Variants in NPAS3 observed in about 807,000 individuals in gnomAD.
The protein encoded by NPAS3 is neuronal PAS domain protein 3.
NPAS3 carries 14 observed loss-of-function variants against 73.1 expected under a neutral mutation model. The observed-to-expected ratio is 0.19, with a 90% CI of 0.13 to 0.30. NPAS3 has a LOEUF of 0.30. NPAS3 is among the 10% of genes least tolerant of loss of function. The probability of loss-of-function intolerance (pLI) is 1.00; values close to 1 mark genes in which losing one functional copy is unlikely to be tolerated. For missense variants in NPAS3, 1,096 were observed against 1,250.0 expected, an observed-to-expected ratio of 0.88 and a Z score of 1.86; for synonymous variants, 620 against 541.5, an observed-to-expected ratio of 1.14 and a Z score of -2.01.
intron 5 of NPAS3, among the ~76,000 whole-genome samples, chr14:33,672,837 G>A (rs1039160626): frequency 2.0e-5 from 3 of 152,222 alleles, no homozygotes; most frequent in East Asian, 1.9e-4. Context: ...TCTCGGGACT[G>A]TAGGGCTTTT....
chr14:33,230,493 C>G (rs909181981), intron 3 of NPAS3, among the ~76,000 whole-genome samples: 2 of 152,120 alleles, frequency 1.3e-5, no homozygotes, highest in Non-Finnish European at 2.9e-5. Flanking sequence ...CTGATAGAAT[C>G]CTCATCTTTT....
At chr14:33,678,285 C>G (rs1237053695) in intron 6 of NPAS3, among the ~76,000 whole-genome samples, 1 of 152,156 alleles carries the variant, frequency 6.6e-6, no homozygotes, top group Admixed American at 6.5e-5. Context: ...TGATATGGAG[C>G]CCAAATCTGC....
chr14:33,748,413 G>A (rs1230063125), intron 7 of NPAS3, among the ~76,000 whole-genome samples: 1 of 152,070 alleles, frequency 6.6e-6, no homozygotes, highest in Non-Finnish European at 1.5e-5. Flanking sequence ...TATTTAACTT[G>A]TACCCCACTT....
At chr14:33,370,780 A>C (rs959141613) in intron 4 of NPAS3, among the ~76,000 whole-genome samples, 2 of 152,160 alleles carry the variant, frequency 1.3e-5, no homozygotes, top group African/African-American at 4.8e-5. Flanking sequence ...GTGGCCCATA[A>C]TTAGAGGTGA....
chr14:33,300,283 G>A (rs1206641987), intron 3 of NPAS3, among the ~76,000 whole-genome samples: 1 of 152,172 alleles, frequency 6.6e-6, no homozygotes, highest in Non-Finnish European at 1.5e-5. Flanking sequence ...ACAGTCTGAG[G>A]TTTGCAAGCT....
chr14:33,022,718 T>C (rs1420305884), intron 1 of NPAS3, among the ~76,000 whole-genome samples: 2 of 151,466 alleles, frequency 1.3e-5, no homozygotes, highest in African/African-American at 4.8e-5. Flanking sequence ...ACCCAACTCA[T>C]TGTTTATTTA....
chr14:33,129,147 G>C (rs549449568), intron 2 of NPAS3, among the ~76,000 whole-genome samples: 11 of 152,184 alleles, frequency 7.2e-5, no homozygotes, highest in African/African-American at 2.4e-4. Flanking sequence ...GCAGCTCTGG[G>C]CTCCACTCAC....
chr14:32,998,338 A>T (rs1175369026), intron 1 of NPAS3, among the ~76,000 whole-genome samples: 2 of 152,226 alleles, frequency 1.3e-5, no homozygotes, highest in African/African-American at 4.8e-5. Context: ...ATCTATACAG[A>T]CAGAACACAT....
intron 4 of NPAS3, among the ~76,000 whole-genome samples, chr14:33,530,049 T>A (rs2053972879): frequency 6.6e-6 from 1 of 152,160 alleles, no homozygotes; most frequent in East Asian, 1.9e-4. Flanking sequence ...CTGTCCAATT[T>A]TTTTTAGTGA....
intron 1 of NPAS3, among the ~76,000 whole-genome samples, chr14:32,954,666 C>T (rs2036606159): frequency 6.6e-6 from 1 of 152,132 alleles, no homozygotes; most frequent in Non-Finnish European, 1.5e-5. Flanking sequence ...ATGAGTCTAG[C>T]TGACCCTATA....
chr14:33,174,623 A>G (rs2045519060), intron 2 of NPAS3, among the ~76,000 whole-genome samples: 1 of 152,236 alleles, frequency 6.6e-6, no homozygotes, highest in Admixed American at 6.5e-5. Context: ...AGTGGGCTCC[A>G]TCAACTCATT....
intron 2 of NPAS3, among the ~76,000 whole-genome samples, chr14:33,112,603 C>T (rs1403521947): frequency 1.3e-5 from 2 of 152,034 alleles, no homozygotes; most frequent in Non-Finnish European, 2.9e-5. Context: ...AAATTTTCTC[C>T]CATTCTGTAG....
chr14:33,120,928 CT>C (rs2139034353), intron 2 of NPAS3, among the ~76,000 whole-genome samples: 1 of 152,238 alleles, frequency 6.6e-6, no homozygotes. Context: ...TGCGCAAACT[CT>C]AGTTCGTAAT....
chr14:33,159,444 A>G (rs2044768853), intron 2 of NPAS3, among the ~76,000 whole-genome samples: 1 of 151,562 alleles, frequency 6.6e-6, no homozygotes, highest in Non-Finnish European at 1.5e-5. Context: ...TCAACTTCAG[A>G]TTTCTTTTGT....
At chr14:33,502,213 G>A (rs2052550535) in intron 4 of NPAS3, among the ~76,000 whole-genome samples, 1 of 151,850 alleles carries the variant, frequency 6.6e-6, no homozygotes, top group Non-Finnish European at 1.5e-5. Context: ...TTTATGAAAA[G>A]CACCTCTTTT....
chr14:33,598,919 T>G (rs1313735748), intron 5 of NPAS3, among the ~76,000 whole-genome samples: 1 of 152,272 alleles, frequency 6.6e-6, no homozygotes, highest in Non-Finnish European at 1.5e-5. Context: ...TTTTATAGTT[T>G]GGCTTTAAAA....
At chr14:32,985,695 GA>G (rs1438381021) in intron 1 of NPAS3, among the ~76,000 whole-genome samples, 2 of 152,012 alleles carry the variant, frequency 1.3e-5, no homozygotes, top group East Asian at 3.9e-4. Context: ...AAAGAAAGCA[GA>G]AAAAAAGATT....
intron 7 of NPAS3, among the ~76,000 whole-genome samples, chr14:33,742,937 G>C (rs977247051): frequency 2.6e-5 from 4 of 152,068 alleles, no homozygotes; most frequent in African/African-American, 9.7e-5. Flanking sequence ...GTTTCATCAC[G>C]AGACTACAGC....
chr14:33,016,876 G>A (rs1223470110), intron 1 of NPAS3, among the ~76,000 whole-genome samples: 1 of 152,024 alleles, frequency 6.6e-6, no homozygotes, highest in Non-Finnish European at 1.5e-5. Context: ...TTGCTGATTT[G>A]CATTGTTTGG....
Sources: gnomAD v4.1 joint callset for allele counts (sites outside exome capture counted in the v4.1 genomes callset) on GRCh38, gnomAD v4.1.1 for gene constraint, MANE v1.5 for transcripts, NCBI Gene and HGNC (gene_info 2026-07-23, HGNC 2026-07-21) for gene names.